DLGAP2: variants seen among roughly 807,000 people sequenced by gnomAD.
The protein encoded by DLGAP2 is disks large-associated protein 2.
Under a neutral mutation model 100.3 loss-of-function variants are expected in DLGAP2, and 26 were observed. The ratio of observed to expected loss-of-function variants is 0.26; its 90% confidence interval spans 0.19 to 0.36. The LOEUF (loss-of-function observed/expected upper bound fraction) is 0.36. DLGAP2 is among the 10% of genes least tolerant of loss of function. DLGAP2 has a pLI of 1.00. For synonymous variants in DLGAP2, 886 were observed against 630.1 expected (o/e 1.41, Z -6.08); for missense variants, 1,858 against 1,453.2 (o/e 1.28, Z -4.53).
Position 1,681,894 on chromosome 8 carries a change from G to A in DLGAP2, c.2704+3265G>A, listed in dbSNP as rs144154262. Among the ~76,000 whole-genome samples, 287 of 147,934 alleles carry A rather than the reference G, an allele frequency of 1.9e-3. 4 individuals carry two copies. The highest frequency in any genetic ancestry group is 7.4e-3 in the African/African-American group (279 of 37,732). On this transcript the variant is annotated intron_variant, in intron 12 of 14. Transcript: ENST00000637795. ...TGACGTTGAAGGCTCTGCCTTCCCA[G>A]CAGTGATCTGGGACTGGGAGTCACG...
chr8:770,615 C>A (rs187868140), intron 1 of DLGAP2, among the ~76,000 whole-genome samples: 2 of 152,268 alleles, frequency 1.3e-5, no homozygotes, highest in Admixed American at 1.3e-4. Flanking sequence ...TAAGCATGCA[C>A]CTCTGTCCTG....
At chr8:1,214,095 C>G (rs1798163180) in intron 2 of DLGAP2, among the ~76,000 whole-genome samples, 2 of 152,206 alleles carry the variant, frequency 1.3e-5, no homozygotes, top group East Asian at 1.9e-4. Flanking sequence ...GCCTGGAACC[C>G]TCCCCAGGGG....
At chr8:1,505,490 G>A (rs115665186) in intron 4 of DLGAP2, among the ~76,000 whole-genome samples, 1,994 of 152,218 alleles carry the variant, frequency 0.013, 49 homozygotes, top group African/African-American at 0.045. Context: ...TAATAAAACC[G>A]CCCACACTTG....
At chr8:1,392,455 C>T (rs566632370) in intron 3 of DLGAP2, among the ~76,000 whole-genome samples, 14 of 152,332 alleles carry the variant, frequency 9.2e-5, no homozygotes, top group Admixed American at 3.3e-4. Flanking sequence ...AAACCCGTTC[C>T]GCTGACTTGG....
At chr8:849,153 T>G (rs1295739137) in intron 1 of DLGAP2, among the ~76,000 whole-genome samples, 4 of 151,312 alleles carry the variant, frequency 2.6e-5, no homozygotes, top group Non-Finnish European at 4.4e-5. Flanking sequence ...TGTGTTCCAG[T>G]ATAGGAACAT....
At chr8:1,690,936 A>G (rs1799244126) in intron 12 of DLGAP2, among the ~76,000 whole-genome samples, 1 of 152,080 alleles carries the variant, frequency 6.6e-6, no homozygotes, top group South Asian at 2.1e-4. Flanking sequence ...CCAGGAGGGA[A>G]GCCACATCTT....
intron 2 of DLGAP2, among the ~76,000 whole-genome samples, chr8:1,072,824 G>T (rs772993710): frequency 6.6e-6 from 1 of 152,240 alleles, no homozygotes; most frequent in Non-Finnish European, 1.5e-5. Context: ...AGAAGAGGCC[G>T]TTGTGGGGCT....
intron 2 of DLGAP2, among the ~76,000 whole-genome samples, chr8:1,115,450 C>T (rs73526519): frequency 0.015 from 2,218 of 152,174 alleles, 53 homozygotes; most frequent in African/African-American, 0.051. Context: ...TTCTTAACCA[C>T]GGGGAATAAC....
At chr8:1,065,922 GC>G (rs1803230509) in intron 2 of DLGAP2, among the ~76,000 whole-genome samples, 1 of 152,208 alleles carries the variant, frequency 6.6e-6, no homozygotes, top group South Asian at 2.1e-4. Context: ...AATGCTCTGG[GC>G]CTGACTTGAG....
chr8:1,157,154 G>A (rs1585108881), intron 2 of DLGAP2, among the ~76,000 whole-genome samples: 4 of 152,204 alleles, frequency 2.6e-5, no homozygotes, highest in African/African-American at 7.2e-5. Flanking sequence ...TGGTGACCGC[G>A]GGGAAAAGTT....
intron 1 of DLGAP2, among the ~76,000 whole-genome samples, chr8:826,381 A>T (rs111739618): frequency 8.6e-5 from 13 of 151,960 alleles, no homozygotes; most frequent in African/African-American, 2.9e-4. Flanking sequence ...TGCTTCACTC[A>T]TGTCTGTCTT....
chr8:1,464,157 G>A lies in DLGAP2; in HGVS notation c.107-37209G>A, dbSNP rs112244107. On this transcript the variant is annotated intron_variant, in intron 3 of 14. Coordinates refer to ENST00000637795, the MANE Select transcript of DLGAP2 (RefSeq NM_001346810.2). ...TCCAGGACAGCACCCATCCAGGACA[G>A]CTCCCTTCCAGGACAGCACCCGTCC... Among the ~76,000 whole-genome samples, 594 of 122,052 alleles carry A rather than the reference G, an allele frequency of 4.9e-3. 4 individuals are homozygous for A. Among genetic ancestry groups the A allele is most frequent in the African/African-American group, 0.016 (551 of 34,428 alleles). The allele number at this position is 122,052 out of a possible 152,430, so 80.1% of individuals were successfully genotyped here. A position where few individuals can be genotyped will look rare whatever the true frequency, so the allele number is the denominator to read the frequency against.
chr8:1,087,973 C>G (rs2701897), intron 2 of DLGAP2, among the ~76,000 whole-genome samples: 63,299 of 152,160 alleles, frequency 0.42, 13,863 homozygotes, highest in Non-Finnish European at 0.48. Context: ...GCTATGTGGC[C>G]TCCTTATCCA....
At position 833,227 on chromosome 8, in the gene DLGAP2, C is replaced by A. The variant is rs143002687; in HGVS notation, c.19-74685C>A. 2.0e-3 allele frequency among the ~76,000 whole-genome samples: 303 copies of A among 152,336 alleles called. 1 individual carries two copies. Among genetic ancestry groups the A allele is most frequent in the African/African-American group, 6.7e-3 (279 of 41,574 alleles). On this transcript the variant is annotated intron_variant, in intron 1 of 14. Transcript: ENST00000637795. ...ATTCCTAAGACTTTGGGAAGGCGCA[C>A]TGGGGGAGTCAGCACTCCAGTACCC...
chr8:971,878 A>G (rs535102950), intron 2 of DLGAP2, among the ~76,000 whole-genome samples: 1 of 152,164 alleles, frequency 6.6e-6, no homozygotes, highest in Admixed American at 6.5e-5. Flanking sequence ...GCTAAGAAGC[A>G]CTTGTGATGG....
intron 10 of DLGAP2, among the ~76,000 whole-genome samples, chr8:1,675,263 G>A (rs1030535643): frequency 3.3e-5 from 5 of 152,230 alleles, no homozygotes; most frequent in Admixed American, 2.6e-4. Flanking sequence ...GCGGCACCCG[G>A]CTCTGGGGTC....
At chr8:1,318,502 A>G (rs1051995266) in intron 3 of DLGAP2, among the ~76,000 whole-genome samples, 1 of 150,706 alleles carries the variant, frequency 6.6e-6, no homozygotes, top group African/African-American at 2.4e-5. Context: ...GGATTCTAGA[A>G]AAGGCTGTTC....
intron 2 of DLGAP2, chr8:926,950 G>T: frequency 1.2e-6 from 1 of 864,238 alleles, no homozygotes; most frequent in African/African-American, 1.8e-5. Context: ...TCTGCGCTGT[G>T]GGGGTGGGGA....
chr8:1,270,594 T>C (rs576838681), intron 3 of DLGAP2, among the ~76,000 whole-genome samples: 24 of 152,274 alleles, frequency 1.6e-4, no homozygotes, highest in African/African-American at 5.5e-4. Context: ...AGTGGGGGCT[T>C]CTTAAGAACG....
Sources: gnomAD v4.1 joint callset for allele counts (sites outside exome capture counted in the v4.1 genomes callset) on GRCh38, gnomAD v4.1.1 for gene constraint, MANE v1.5 for transcripts, NCBI Gene and HGNC (gene_info 2026-07-23, HGNC 2026-07-21) for gene names.